The following FBXO33 variants were observed in gnomAD, a reference collection of about 807,000 sequenced individuals.
The protein encoded by FBXO33 is F-box only protein 33.
FBXO33 carries 22 observed loss-of-function variants against 46.3 expected under a neutral mutation model. That is an observed-to-expected ratio of 0.48 (90% confidence interval 0.34 to 0.68). The LOEUF is 0.68. Ranked by LOEUF, FBXO33 falls within the 30% of genes least tolerant of loss-of-function variation. The pLI, the probability that FBXO33 is intolerant of heterozygous loss-of-function variation, is 0.01. For synonymous variants in FBXO33, 337 were observed against 291.3 expected (o/e 1.16, Z -1.60); for missense variants, 692 against 708.8 (o/e 0.98, Z 0.27).
intron 1 of FBXO33, among the ~76,000 whole-genome samples, chr14:39,424,257 A>G (rs2075499479): frequency 6.6e-6 from 1 of 152,082 alleles, no homozygotes; most frequent in South Asian, 2.1e-4. Flanking sequence ...TAACTTCCCT[A>G]TTTTAAATAG....
chr14:39,422,543 T>C (rs1429196567), intron 1 of FBXO33, among the ~76,000 whole-genome samples: 1 of 152,236 alleles, frequency 6.6e-6, no homozygotes, highest in Admixed American at 6.5e-5. Flanking sequence ...GCCTCACAAG[T>C]GCCTACAGAT....
At chr14:39,424,355 C>T (rs368890940) in intron 1 of FBXO33, among the ~76,000 whole-genome samples, 479 of 152,318 alleles carry the variant, frequency 3.1e-3, no homozygotes, top group Non-Finnish European at 4.9e-3. Context: ...ACTGTAATTT[C>T]ACTTAACGTG....
intron 1 of FBXO33, among the ~76,000 whole-genome samples, chr14:39,406,689 T>C (rs1480878174): frequency 6.6e-6 from 1 of 152,170 alleles, no homozygotes; most frequent in African/African-American, 2.4e-5. Flanking sequence ...CTTCACAGAT[T>C]TGCAAAGACT....
chr14:39,412,411 T>G (rs148627479), intron 1 of FBXO33, among the ~76,000 whole-genome samples: 44 of 152,352 alleles, frequency 2.9e-4, no homozygotes, highest in African/African-American at 9.9e-4. Flanking sequence ...GTATCTTTTC[T>G]CATTTCCCCG....
chr14:39,399,547 C>G lies in FBXO33; in HGVS notation c.1637G>C (p.Arg546Thr). The part of the protein sequence containing the change: ...VFTEPNRHFY[R>T]EMQSFSEDI ...GTCTTCACTGAAGCTTTGCATCTCT[C>G]TGTAAAAATGACGATTTGGTTCAGT... Residue 546 changes from arginine (R) to threonine (T), a missense_variant, in exon 4 of 4, where the codon AGA becomes ACA. By Grantham distance (71) the Arg-to-Thr change is moderately conservative. Around this residue, in one of 3 missense-constraint regions of FBXO33, gnomAD observed 94 missense variants for 91.9 expected, o/e 1.02. Coordinates refer to ENST00000298097, the MANE Select transcript of FBXO33 (RefSeq NM_203301.4). 1.2e-6 allele frequency: 2 copies of G among 1,612,446 alleles called. No homozygotes were observed. Among genetic ancestry groups the G allele is most frequent in the African/African-American group, 2.7e-5 (2 of 75,002 alleles).
At chr14:39,401,968 T>C (rs1276153828) in intron 2 of FBXO33, 107 bp from the exon 3 acceptor site, 5 of 839,612 alleles carry the variant, frequency 6.0e-6, no homozygotes, top group African/African-American at 5.2e-5. Flanking sequence ...TTGAGATCTA[T>C]TTTTCCTCAT....
chr14:39,428,553 C>G (rs958762770), intron 1 of FBXO33, among the ~76,000 whole-genome samples: 4 of 152,160 alleles, frequency 2.6e-5, no homozygotes, highest in African/African-American at 9.7e-5. Flanking sequence ...TAACAGCATT[C>G]CACCCAAGAA....
At chr14:39,405,198 G>C (rs4899245) in intron 1 of FBXO33, among the ~76,000 whole-genome samples, 53,056 of 151,214 alleles carry the variant, frequency 0.35, 10,856 homozygotes, top group African/African-American at 0.56. Flanking sequence ...GGCATTAGAA[G>C]AGTCTGGAAG....
chr14:39,414,254 G>A (rs929509250), intron 1 of FBXO33, among the ~76,000 whole-genome samples: 2 of 152,140 alleles, frequency 1.3e-5, no homozygotes, highest in Non-Finnish European at 2.9e-5. Context: ...ACCTCTACTA[G>A]CTTCAAGCTT....
intron 1 of FBXO33, among the ~76,000 whole-genome samples, chr14:39,418,127 G>A (rs12232110): frequency 0.19 from 28,699 of 151,340 alleles, 3,164 homozygotes; most frequent in East Asian, 0.51. Flanking sequence ...GCAGTGGCGC[G>A]ATCTCTGCTC....
At chr14:39,412,962 C>T (rs1423629587) in intron 1 of FBXO33, among the ~76,000 whole-genome samples, 4 of 152,250 alleles carry the variant, frequency 2.6e-5, no homozygotes, top group Admixed American at 6.5e-5. Flanking sequence ...GTCCCAATAT[C>T]GGATGGCTAC....
rs2075353060 is a variant in FBXO33, at chr14:39,398,416, T to G, written c.*1100A>C. The G allele has an allele frequency of 6.6e-6, 1 of 152,418 alleles. No individual in the cohort carries two copies. Among genetic ancestry groups the G allele is most frequent in the Non-Finnish European group, 1.5e-5 (1 of 68,022 alleles). 9.4% of individuals were successfully genotyped at this position (152,418 alleles called of 1,614,324 possible). ...AACAAGCTTTCAGTTTTTCCTTTCTTTCCTTTACATTCACTATTCACAGTG... is the reference window on the plus strand; with the variant it reads ...AACAAGCTTTCAGTTTTTCCTTTCTGTCCTTTACATTCACTATTCACAGTG... On this transcript the variant is annotated 3_prime_UTR_variant, in exon 4 of 4. Transcript: ENST00000298097.
intron 1 of FBXO33, among the ~76,000 whole-genome samples, chr14:39,423,202 C>T (rs2075493826): frequency 2.0e-5 from 3 of 152,020 alleles, no homozygotes; most frequent in Admixed American, 6.6e-5. Context: ...TTAGGACATA[C>T]AAAAAGTTAT....
At chr14:39,427,114 A>T (rs1011896561) in intron 1 of FBXO33, among the ~76,000 whole-genome samples, 1 of 152,260 alleles carries the variant, frequency 6.6e-6, no homozygotes, top group Non-Finnish European at 1.5e-5. Context: ...TAAAATGGAG[A>T]TATTTAATCA....
intron 1 of FBXO33, among the ~76,000 whole-genome samples, chr14:39,411,369 G>T (rs1423423353): frequency 6.6e-6 from 1 of 152,110 alleles, no homozygotes; most frequent in African/African-American, 2.4e-5. Context: ...TGGGCTTACA[G>T]GTGTGAGCCA....
Position 39,398,388 on chromosome 14 carries a change from T to C in FBXO33, c.*1128A>G, listed in dbSNP as rs1028466927. On this transcript the variant is annotated 3_prime_UTR_variant, in exon 4 of 4. Transcript: ENST00000298097. ...GTATCATAGCAGCTCATACCTGTGA[T>C]AGAACAAGCTTTCAGTTTTTCCTTT... 3 of 152,566 alleles carry C rather than the reference T, an allele frequency of 2.0e-5. No individual in the cohort carries two copies. Among genetic ancestry groups the C allele is most frequent in the Non-Finnish European group, 4.4e-5 (3 of 68,040 alleles). The allele number at this position is 152,566 out of a possible 1,614,324, so 9.5% of individuals were successfully genotyped here. A position where few individuals can be genotyped will look rare whatever the true frequency, so the allele number is the denominator to read the frequency against.
intron 1 of FBXO33, among the ~76,000 whole-genome samples, chr14:39,404,161 T>G (rs900290960): frequency 6.6e-6 from 1 of 152,184 alleles, no homozygotes; most frequent in African/African-American, 2.4e-5. Context: ...TTTATTCATT[T>G]AACCAACAAT....
intron 1 of FBXO33, among the ~76,000 whole-genome samples, chr14:39,408,448 C>A (rs1367397615): frequency 6.6e-6 from 1 of 152,014 alleles, no homozygotes; most frequent in Non-Finnish European, 1.5e-5. Context: ...TTGAGTTATA[C>A]GAGTTACCAT....
rs546417606 is a variant in FBXO33 at position 39,414,363 on chromosome 14, C to T, written c.600-11852G>A. ...ACTTTGGATTAAGGGAATGTTGTGG[C>T]TAGTTTCATCTTCTATCCAGACCAC... On this transcript the variant is annotated intron_variant, in intron 1 of 3. Coordinates refer to ENST00000298097, the MANE Select transcript of FBXO33 (RefSeq NM_203301.4). Among the ~76,000 whole-genome samples the T allele has an allele frequency of 5.8e-4, 88 of 152,370 alleles. 1 individual carries two copies.
Sources: allele counts gnomAD v4.1 joint callset (sites outside exome capture counted in the v4.1 genomes callset), GRCh38; gene constraint gnomAD v4.1.1; regional missense constraint gnomAD v4.1.1; transcripts MANE v1.5; gene names NCBI Gene and HGNC (gene_info 2026-07-23, HGNC 2026-07-21).